Variants in PIK3R1 observed in about 807,000 individuals in gnomAD.
PIK3R1 encodes phosphoinositide-3-kinase regulatory subunit 1.
A neutral mutation model predicts 98.0 loss-of-function variants in PIK3R1; 29 were observed. That is an observed-to-expected ratio of 0.30 (90% confidence interval 0.22 to 0.40). The LOEUF is 0.40. Among genes scored for constraint, PIK3R1 ranks in the 10% least tolerant of loss-of-function variants. PIK3R1 has a pLI of 1.00. For synonymous variants in PIK3R1, 282 were observed against 311.8 expected, an observed-to-expected ratio of 0.90 and a Z score of 1.01; for missense variants, 596 against 872.7, an observed-to-expected ratio of 0.68 and a Z score of 3.99.
chr5:68,296,159 C>T lies in PIK3R1; in HGVS notation c.1815-12C>T, dbSNP rs1057026388. 6.2e-7 allele frequency: 1 copy of T among 1,613,398 alleles called. No individual in the cohort carries two copies. Among genetic ancestry groups the T allele is most frequent in the African/African-American group, 1.3e-5 (1 of 74,904 alleles). On this transcript the variant is annotated splice_polypyrimidine_tract_variant and intron_variant, in intron 14 of 15. Transcript: ENST00000521381. ...ACTCTTCATTTAGAAACTTTCTGTC[C>T]TGCCTGCCTAGCCAATATTCACTGG...
rs575699442 is a variant in PIK3R1 at position 68,293,678 on chromosome 5, T to A, written c.1300-31T>A. The A allele has an allele frequency of 3.7e-6, 5 of 1,338,650 alleles. No homozygotes were observed. In the Admixed American group the frequency reaches 1.1e-4, roughly 29 times the overall value. The allele number at this position is 1,338,650 out of a possible 1,614,324, so 82.9% of individuals were successfully genotyped here. A position where few individuals can be genotyped will look rare whatever the true frequency, so the allele number is the denominator to read the frequency against. ...AACAATTGTTATTTGATTAAATACC[T>A]TATCCATTGAATTTATTTTAATCTT... On this transcript the variant is annotated intron_variant, in intron 10 of 15. Transcript: ENST00000521381.
At position 68,293,409 on chromosome 5, in the gene PIK3R1, C is replaced by T. The variant is rs1175989621; in HGVS notation, c.1225C>T (p.Arg409Trp). The change falls in exon 10 of 16, where the codon CGG becomes TGG. Residue 409 changes from arginine (R) to tryptophan (W), a missense_variant. Coordinates refer to ENST00000521381, the MANE Select transcript of PIK3R1 (RefSeq NM_181523.3). ...SSVVELINHYRNESLAQYNPK... is the reference protein window; with the variant it reads ...SSVVELINHYWNESLAQYNPK... ...TGTGGTTGAATTAATAAACCACTAC[C>T]GGAATGAATCTCTAGCTCAGTATAA... is the stretch of plus-strand genomic sequence containing the variant. 1.2e-6 allele frequency: 2 copies of T among 1,613,062 alleles called. No individual in the cohort carries two copies. The highest frequency in any genetic ancestry group is 1.7e-6 in the Non-Finnish European group (2 of 1,179,220).
chr5:68,263,112 CATAG>C lies in PIK3R1; in HGVS notation c.335-10274_335-10271del, dbSNP rs1255239236. 7.4e-4 allele frequency among the ~76,000 whole-genome samples: 90 copies of C among 121,634 alleles called. 1 individual carries two copies. The highest frequency in any genetic ancestry group is 2.5e-3 in the African/African-American group (80 of 31,482). 79.8% of individuals were successfully genotyped at this position (121,634 alleles called of 152,430 possible). A position where few individuals can be genotyped will look rare whatever the true frequency, so the allele number is the denominator to read the frequency against. ...GTAGATACATGTATATAGATACATA[CATAG>C]ATATATAGATACATAGATACATATA... On this transcript the variant is annotated intron_variant, in intron 2 of 15. Coordinates refer to ENST00000521381, the MANE Select transcript of PIK3R1 (RefSeq NM_181523.3).
At chr5:68,232,282 T>G (rs1442690614) in intron 2 of PIK3R1, among the ~76,000 whole-genome samples, 3 of 152,226 alleles carry the variant, frequency 2.0e-5, no homozygotes, top group Non-Finnish European at 2.9e-5. Flanking sequence ...TTCTGTTAAC[T>G]TTGTTTCCCT....
Position 68,301,513 on chromosome 5 carries a change from T to TA in PIK3R1, c.*3919dup, listed in dbSNP as rs1389115368. Reference sequence around the variant, plus strand: ...ATATATGCACATATATATATGTATTTAAAAAAATCAAAACAAAAAAAAACT... The same window carrying TA: ...ATATATGCACATATATATATGTATTTAAAAAAAATCAAAACAAAAAAAAACT... On this transcript the variant is annotated 3_prime_UTR_variant, in exon 16 of 16. Transcript: ENST00000521381. The TA allele has an allele frequency of 6.7e-6, 1 of 148,934 alleles. No individual in the cohort carries two copies. The highest frequency in any genetic ancestry group is 1.4e-5 in the Non-Finnish European group (1 of 69,098). The allele number at this position is 148,934 out of a possible 1,614,324, so 9.2% of individuals were successfully genotyped here. A position where few individuals can be genotyped will look rare whatever the true frequency, so the allele number is the denominator to read the frequency against.
chr5:68,290,995 ACTGT>A (rs1222301111), intron 7 of PIK3R1: 2 of 557,632 alleles, frequency 3.6e-6, no homozygotes, highest in Non-Finnish European at 6.3e-6. Flanking sequence ...AGATTGTTTG[ACTGT>A]CTGTGGAAGC....
At chr5:68,219,767 T>G (rs917133445) in intron 1 of PIK3R1, among the ~76,000 whole-genome samples, 7 of 152,164 alleles carry the variant, frequency 4.6e-5, no homozygotes, top group Non-Finnish European at 8.8e-5. Context: ...CAGAAGAAAA[T>G]CCCTCATAAA....
At chr5:68,294,014 T>C (rs1747549041) in intron 11 of PIK3R1, among the ~76,000 whole-genome samples, 180 bp downstream of exon 11, 1 of 152,214 alleles carries the variant, frequency 6.6e-6, no homozygotes, top group Non-Finnish European at 1.5e-5. Context: ...CCAAAAATTT[T>C]AAGTATCAGA....
chr5:68,229,188 C>T (rs964353677), intron 2 of PIK3R1, among the ~76,000 whole-genome samples: 3 of 151,952 alleles, frequency 2.0e-5, no homozygotes, highest in African/African-American at 7.3e-5. Context: ...AAGTGTTGGT[C>T]TTGTATTCTC....
At chr5:68,236,908 C>A (rs1744689195) in intron 2 of PIK3R1, among the ~76,000 whole-genome samples, 1 of 152,186 alleles carries the variant, frequency 6.6e-6, no homozygotes, top group African/African-American at 2.4e-5. Context: ...GGCCATGAAG[C>A]TAAGACAAAG....
chr5:68,254,828 CT>C (rs1489260457), intron 2 of PIK3R1, among the ~76,000 whole-genome samples: 7 of 83,902 alleles, frequency 8.3e-5, no homozygotes, highest in East Asian at 3.0e-4. Flanking sequence ...CAGTCTTTTT[CT>C]TTTTTTCTTT....
intron 2 of PIK3R1, among the ~76,000 whole-genome samples, chr5:68,227,531 G>T (rs1744326110): frequency 6.6e-6 from 1 of 152,178 alleles, no homozygotes; most frequent in South Asian, 2.1e-4. Context: ...TACTCAACCT[G>T]TGTATATCTA....
chr5:68,247,326 C>CT lies in PIK3R1; in HGVS notation c.334+20323dup, dbSNP rs1745137209. Among the ~76,000 whole-genome samples the CT allele has an allele frequency of 2.0e-5, 3 of 152,102 alleles. No individual in the cohort carries two copies. The South Asian group carries it at 6.2e-4, about 32-fold the overall frequency. On this transcript the variant is annotated intron_variant, in intron 2 of 15. Transcript: ENST00000521381. Reference sequence around the variant, plus strand: ...CTTGATTGATTTTGAAAACATTTTTCTTTTTTCTTTCTTTCTGTCTTTCTG... The same window carrying CT: ...CTTGATTGATTTTGAAAACATTTTTCTTTTTTTCTTTCTTTCTGTCTTTCTG...
intron 1 of PIK3R1, among the ~76,000 whole-genome samples, chr5:68,216,635 A>G (rs930372160): frequency 1.3e-5 from 2 of 152,018 alleles, no homozygotes; most frequent in Non-Finnish European, 2.9e-5. Context: ...GGGTCTTGGA[A>G]CCGCCCGGAA....
intron 1 of PIK3R1, among the ~76,000 whole-genome samples, chr5:68,221,667 G>A (rs987833595): frequency 6.6e-6 from 1 of 152,234 alleles, no homozygotes; most frequent in African/African-American, 2.4e-5. Flanking sequence ...AAGTCAGAGA[G>A]GGCTTTTTTG....
intron 2 of PIK3R1, among the ~76,000 whole-genome samples, chr5:68,227,812 G>A (rs1383718933): frequency 2.6e-5 from 4 of 152,144 alleles, no homozygotes; most frequent in Non-Finnish European, 2.9e-5. Flanking sequence ...AGTCTGGTTC[G>A]CCTTCATGAG....
intron 2 of PIK3R1, among the ~76,000 whole-genome samples, chr5:68,230,868 C>G (rs557074109): frequency 1.4e-3 from 212 of 152,256 alleles, no homozygotes; most frequent in African/African-American, 5.1e-3. Flanking sequence ...CGGAGAGAAC[C>G]TCTTCCATGT....
intron 15 of PIK3R1, among the ~76,000 whole-genome samples, chr5:68,296,772 A>G (rs1747736226): frequency 1.3e-5 from 2 of 152,210 alleles, no homozygotes; most frequent in African/African-American, 2.4e-5. Flanking sequence ...GATTCTGATC[A>G]TTATCCTTGA....
chr5:68,300,214 C>G lies in PIK3R1; in HGVS notation c.*2613C>G, dbSNP rs1447232975. On this transcript the variant is annotated 3_prime_UTR_variant, in exon 16 of 16. Transcript: ENST00000521381. Reference sequence around the variant, plus strand: ...TGCAATAGATCTTTTCATTGAACAGCAAAGTAGGATTCATCATTCCATATG... The same window carrying G: ...TGCAATAGATCTTTTCATTGAACAGGAAAGTAGGATTCATCATTCCATATG... 4.3e-6 allele frequency: 1 copy of G among 233,030 alleles called. No individual in the cohort carries two copies. Among genetic ancestry groups the G allele is most frequent in the Non-Finnish European group, 8.5e-6 (1 of 117,998 alleles). 14.4% of individuals were successfully genotyped at this position (233,030 alleles called of 1,614,324 possible).
Sources: gnomAD v4.1 joint callset for allele counts (sites outside exome capture counted in the v4.1 genomes callset) on GRCh38, gnomAD v4.1.1 for gene constraint, MANE v1.5 for transcripts, NCBI Gene and HGNC (gene_info 2026-07-23, HGNC 2026-07-21) for gene names.